CPED1: variants seen among roughly 807,000 people sequenced by gnomAD.
CPED1 encodes the protein cadherin-like and PC-esterase domain-containing protein 1.
In CPED1, 114 loss-of-function variants were observed where a neutral mutation model predicts 128.2. The ratio of observed to expected loss-of-function variants is 0.89; its 90% CI spans 0.76 to 1.04. CPED1 has a LOEUF of 1.04. Ranked by LOEUF, CPED1 falls within the 50% of genes least tolerant of loss-of-function variation. CPED1 has a pLI of 0.00. For missense variants in CPED1, 1,211 were observed against 1,207.1 expected, an observed-to-expected ratio of 1.00 and a Z score of -0.05; for synonymous variants, 462 against 426.7, an observed-to-expected ratio of 1.08 and a Z score of -1.02.
intron 3 of CPED1, among the ~76,000 whole-genome samples, chr7:121,040,687 A>G (rs887361364): frequency 7.2e-5 from 11 of 152,074 alleles, no homozygotes; most frequent in African/African-American, 2.7e-4. Context: ...ACAAATGAAC[A>G]GTGAACAGAT....
intron 16 of CPED1, among the ~76,000 whole-genome samples, chr7:121,204,291 A>C (rs1218898534): frequency 1.3e-5 from 2 of 152,226 alleles, no homozygotes; most frequent in East Asian, 3.9e-4. Context: ...TAATAGTTTT[A>C]CAAAGTAGAA....
intron 3 of CPED1, among the ~76,000 whole-genome samples, chr7:121,038,648 G>A (rs568666916): frequency 4.4e-4 from 67 of 151,684 alleles, no homozygotes; most frequent in Admixed American, 1.6e-3. Context: ...TTCATCTAAT[G>A]TTCTTTTTCT....
At chr7:121,154,552 T>A (rs1002343314) in intron 16 of CPED1, among the ~76,000 whole-genome samples, 1 of 151,834 alleles carries the variant, frequency 6.6e-6, no homozygotes, top group Non-Finnish European at 1.5e-5. Context: ...TTATTTATTT[T>A]ATTTATTTTT....
intron 7 of CPED1, among the ~76,000 whole-genome samples, chr7:121,113,846 T>A (rs1795171548): frequency 6.6e-6 from 1 of 152,162 alleles, no homozygotes; most frequent in Admixed American, 6.5e-5. Flanking sequence ...TTTTTTTCTT[T>A]GAGACAGAAC....
chr7:121,167,560 A>G (rs993217354), intron 16 of CPED1, among the ~76,000 whole-genome samples: 8 of 152,232 alleles, frequency 5.3e-5, no homozygotes, highest in East Asian at 1.9e-4. Context: ...CTGCTTGAGA[A>G]ACTTAATGAA....
At chr7:121,142,555 A>G (rs927246360) in intron 16 of CPED1, among the ~76,000 whole-genome samples, 8 of 152,188 alleles carry the variant, frequency 5.3e-5, no homozygotes, top group Non-Finnish European at 8.8e-5. Context: ...AAGCTATTTT[A>G]CAAGACGGAT....
chr7:121,125,909 CCTCATGTGAGCTT>C lies in CPED1; in HGVS notation c.1134+20_1134+32del. 2 of 1,544,624 alleles carry C rather than the reference CCTCATGTGAGCTT, an allele frequency of 1.3e-6. No homozygotes were observed. Among genetic ancestry groups the C allele is most frequent in the Non-Finnish European group, 1.8e-6 (2 of 1,116,962 alleles). On this transcript the variant is annotated intron_variant, in intron 9 of 22. Coordinates refer to ENST00000310396, the MANE Select transcript of CPED1 (RefSeq NM_024913.5). ...GTGCTCCAGGTCAGTATGCCAAAGG[CCTCATGTGAGCTT>C]CTACCTTGTGGTGAGAGATCAGTGT...
chr7:121,105,535 TCTC>T (rs1215609745), intron 7 of CPED1, among the ~76,000 whole-genome samples: 2 of 152,204 alleles, frequency 1.3e-5, no homozygotes, highest in East Asian at 1.9e-4. Context: ...ATAAAAGTCT[TCTC>T]CTGAGAGTTT....
At chr7:121,293,092 C>A (rs768009159) in intron 22 of CPED1, among the ~76,000 whole-genome samples, 2 of 152,184 alleles carry the variant, frequency 1.3e-5, no homozygotes, top group African/African-American at 4.8e-5. Flanking sequence ...CAAGCAGGAA[C>A]GTTTAAGTCT....
intron 5 of CPED1, among the ~76,000 whole-genome samples, chr7:121,093,715 C>T (rs1794631583): frequency 6.6e-6 from 1 of 152,126 alleles, no homozygotes; most frequent in Non-Finnish European, 1.5e-5. Flanking sequence ...TGTTCCTCTA[C>T]CTGTAGCCAT....
At position 121,051,005 on chromosome 7, in the gene CPED1, C is replaced by T. The variant is rs188252032; in HGVS notation, c.540+4012C>T. ...AAACCTGCTCCTGCAAAAGTGGAAG[C>T]GAAGCTGAAAAAGGCAGCAGCGAAG... On this transcript the variant is annotated intron_variant, in intron 4 of 22. Coordinates refer to ENST00000310396, the MANE Select transcript of CPED1 (RefSeq NM_024913.5). 9.6e-3 allele frequency: 5,108 copies of T among 534,126 alleles called. 105 individuals carry two copies. Among genetic ancestry groups the T allele is most frequent in the South Asian group, 0.046 (3,167 of 68,772 alleles). 33.1% of individuals were successfully genotyped at this position (534,126 alleles called of 1,614,324 possible).
chr7:121,112,673 C>T (rs1163075372), intron 7 of CPED1, among the ~76,000 whole-genome samples: 1 of 152,144 alleles, frequency 6.6e-6, no homozygotes. Flanking sequence ...GAGTTTACAT[C>T]ACATTTGCTA....
Position 121,197,640 on chromosome 7 carries a change from T to A in CPED1, c.2056-39074T>A, listed in dbSNP as rs373722731. On this transcript the variant is annotated intron_variant, in intron 16 of 22. Transcript: ENST00000310396. ...TGTGTGTATATGGGTGTGTTGTGTG[T>A]GTGTGTTTGTGCATGCGCATGTATG... Among the ~76,000 whole-genome samples, 67 of 152,210 alleles carry A rather than the reference T, an allele frequency of 4.4e-4. No homozygotes were observed. The East Asian group carries it at 6.6e-3, about 15-fold the overall frequency.
intron 7 of CPED1, among the ~76,000 whole-genome samples, chr7:121,104,094 G>A (rs988302567): frequency 2.0e-5 from 3 of 152,080 alleles, no homozygotes; most frequent in Middle Eastern, 6.8e-3. Flanking sequence ...GGAAAAATTC[G>A]CAAATGTAAT....
At chr7:120,994,814 C>T (rs41692) in intron 2 of CPED1, among the ~76,000 whole-genome samples, 33,483 of 151,982 alleles carry the variant, frequency 0.22, 3,933 homozygotes, top group African/African-American at 0.26. Flanking sequence ...CAAAGACTGG[C>T]ATAAATACAT....
Position 121,205,302 on chromosome 7 carries a change from G to A in CPED1, c.2056-31412G>A, listed in dbSNP as rs566610534. On this transcript the variant is annotated intron_variant, in intron 16 of 22. Coordinates refer to ENST00000310396, the MANE Select transcript of CPED1 (RefSeq NM_024913.5). ...GGGATTTTATACATCCCACTCATCTGTCAATGAAGCAACACTTACTTCCAT... is the reference window on the plus strand; with the variant it reads ...GGGATTTTATACATCCCACTCATCTATCAATGAAGCAACACTTACTTCCAT... 2.8e-4 allele frequency among the ~76,000 whole-genome samples: 43 copies of A among 152,116 alleles called. No homozygotes were observed. The South Asian group carries it at 7.7e-3, about 27-fold the overall frequency.
At chr7:121,003,721 C>A (rs1334180635) in intron 2 of CPED1, among the ~76,000 whole-genome samples, 1 of 151,976 alleles carries the variant, frequency 6.6e-6, no homozygotes, top group African/African-American at 2.4e-5. Flanking sequence ...AGGCACCTCT[C>A]GAGGGAAAGC....
intron 9 of CPED1, 107 bp from the exon 10 acceptor site, chr7:121,126,983 G>C (rs1795519222): frequency 1.2e-6 from 1 of 836,030 alleles, no homozygotes; most frequent in Non-Finnish European, 1.8e-6. Flanking sequence ...CTAGATGTCA[G>C]TTCTGATCTA....
intron 16 of CPED1, among the ~76,000 whole-genome samples, chr7:121,200,368 G>A (rs1299786999): frequency 6.6e-6 from 1 of 151,990 alleles, no homozygotes; most frequent in Non-Finnish European, 1.5e-5. Flanking sequence ...CAAGAGAATG[G>A]GTATACATTT....
Sources: gnomAD v4.1 joint callset for allele counts (sites outside exome capture counted in the v4.1 genomes callset) on GRCh38, gnomAD v4.1.1 for gene constraint, MANE v1.5 for transcripts, NCBI Gene and HGNC (gene_info 2026-07-23, HGNC 2026-07-21) for gene names.